LAMA3: variants seen among roughly 807,000 people sequenced by gnomAD.
LAMA3 encodes laminin subunit alpha 3.
A neutral mutation model predicts 402.0 loss-of-function variants in LAMA3; 281 were observed. That is an observed-to-expected ratio of 0.70 (90% CI 0.63 to 0.77). The LOEUF (loss-of-function observed/expected upper bound fraction) is 0.77, where lower values mean the gene tolerates loss of function less well. Among genes scored for constraint, LAMA3 ranks in the 30% least tolerant of loss-of-function variants. LAMA3 has a pLI of 0.00. For synonymous variants in LAMA3, 1,431 were observed against 1,558.4 expected, an observed-to-expected ratio of 0.92 and a Z score of 1.93; for missense variants, 3,840 against 4,215.5, an observed-to-expected ratio of 0.91 and a Z score of 2.47.
intron 1 of LAMA3, among the ~76,000 whole-genome samples, chr18:23,695,792 A>G (rs2060673213): frequency 9.4e-6 from 1 of 106,558 alleles, no homozygotes; most frequent in Admixed American, 1.1e-4. Context: ...GCAAGACTCC[A>G]TCTCAAAAAA....
chr18:23,714,901 A>T (rs1485157820), intron 2 of LAMA3, among the ~76,000 whole-genome samples: 2 of 152,224 alleles, frequency 1.3e-5, no homozygotes, highest in African/African-American at 4.8e-5. Flanking sequence ...TAGGAAGCTC[A>T]TATAAGTGGA....
rs542082850 is a variant in LAMA3, at chr18:23,869,900, C to G, written c.4768-1531C>G. On this transcript the variant is annotated intron_variant, in intron 37 of 74. Coordinates refer to ENST00000313654, the MANE Select transcript of LAMA3 (RefSeq NM_198129.4). The stretch of plus-strand genomic sequence containing the variant: ...TGGCTAACACCATGAAACCCTGTCT[C>G]TACTAAAAATACAAAAAATTAGCCA... 8.5e-5 allele frequency among the ~76,000 whole-genome samples: 13 copies of G among 152,150 alleles called. 1 individual carries two copies. Among genetic ancestry groups the G allele is most frequent in the South Asian group, 4.1e-4 (2 of 4,820 alleles).
At chr18:23,936,109 G>A (rs2145433926) in intron 67 of LAMA3, among the ~76,000 whole-genome samples, 1 of 152,122 alleles carries the variant, frequency 6.6e-6, no homozygotes, top group South Asian at 2.1e-4. Flanking sequence ...AGGAAATTGA[G>A]TGTCTAAGAG....
Position 23,716,888 on chromosome 18 carries a change from C to T in LAMA3, c.447+2816C>T, listed in dbSNP as rs576479497. Among the ~76,000 whole-genome samples, 7 of 152,336 alleles carry T rather than the reference C, an allele frequency of 4.6e-5. 1 individual carries two copies. Among genetic ancestry groups the T allele is most frequent in the South Asian group, 4.1e-4 (2 of 4,822 alleles). On this transcript the variant is annotated intron_variant, in intron 2 of 74. Coordinates refer to ENST00000313654, the MANE Select transcript of LAMA3 (RefSeq NM_198129.4). ...TCATTTATAAAATGAGATAATTGTG[C>T]ATCCCTCATAAGATTATTATGAGTT...
intron 12 of LAMA3, among the ~76,000 whole-genome samples, chr18:23,800,516 AT>A (rs1298350141): frequency 6.6e-6 from 1 of 152,186 alleles, no homozygotes; most frequent in Non-Finnish European, 1.5e-5. Flanking sequence ...CACCTCGAAC[AT>A]TCATTTCTTT....
chr18:23,937,028 GC>G (rs140929062), intron 67 of LAMA3, among the ~76,000 whole-genome samples: 3,781 of 152,234 alleles, frequency 0.025, 153 homozygotes, highest in African/African-American at 0.087. Context: ...AAGTTCTAGA[GC>G]CAAGGAGTCA....
chr18:23,954,691 C>T lies in LAMA3; in HGVS notation c.*43C>T. 1 of 1,603,004 alleles carries T rather than the reference C, an allele frequency of 6.2e-7. No individual in the cohort carries two copies. Among genetic ancestry groups the T allele is most frequent in the Non-Finnish European group, 8.5e-7 (1 of 1,169,984 alleles). On this transcript the variant is annotated 3_prime_UTR_variant, in exon 75 of 75. Coordinates refer to ENST00000313654, the MANE Select transcript of LAMA3 (RefSeq NM_198129.4). ...GCAAGGAAATTCACCTTCAAAAGCACTGATTACCCAATGCACCTCCCTCCC... is the reference window on the plus strand; with the variant it reads ...GCAAGGAAATTCACCTTCAAAAGCATTGATTACCCAATGCACCTCCCTCCC...
chr18:23,846,652 C>G, intron 31 of LAMA3, 144 bp downstream of exon 31: 1 of 839,198 alleles, frequency 1.2e-6, no homozygotes, highest in Non-Finnish European at 1.9e-6. Context: ...GGAGACTGGG[C>G]TGGAGCCTGA....
Position 23,932,171 on chromosome 18 carries a change from T to C in LAMA3, c.8588T>C (p.Leu2863Pro). ...VISDNSGLRLLIDDQLLRNSK... is the reference protein window; with the variant it reads ...VISDNSGLRLPIDDQLLRNSK... Reference sequence around the variant, plus strand: ...TTCTTCCCTTTCAGACTACGGCTTCTCATCGATGACCAGCTTCTGAGAAAT... The same window carrying C: ...TTCTTCCCTTTCAGACTACGGCTTCCCATCGATGACCAGCTTCTGAGAAAT... The change falls in exon 66 of 75, where the codon CTC becomes CCC. Residue 2863 changes from leucine (L) to proline (P), a missense_variant. Around this residue, in one of 3 missense-constraint regions of LAMA3, gnomAD observed 840 missense variants for 981.9 expected, o/e 0.86. Coordinates refer to ENST00000313654, the MANE Select transcript of LAMA3 (RefSeq NM_198129.4). The C allele has an allele frequency of 6.2e-7, 1 of 1,614,054 alleles. No homozygotes were observed. The highest frequency in any genetic ancestry group is 8.5e-7 in the Non-Finnish European group (1 of 1,179,896).
chr18:23,899,233 G>A, intron 46 of LAMA3, 55 bp from the exon 47 acceptor site: 1 of 1,375,800 alleles, frequency 7.3e-7, no homozygotes, highest in Non-Finnish European at 1.0e-6. Flanking sequence ...TTTTTTTTAA[G>A]TAGCCTACTG....
intron 37 of LAMA3, among the ~76,000 whole-genome samples, chr18:23,870,174 G>A (rs1432939174): frequency 2.0e-5 from 3 of 152,034 alleles, no homozygotes; most frequent in East Asian, 1.9e-4. Flanking sequence ...GTAGTGGCAC[G>A]TGCCTATAAT....
At chr18:23,742,949 G>T (rs1042127092) in intron 2 of LAMA3, among the ~76,000 whole-genome samples, 1 of 152,080 alleles carries the variant, frequency 6.6e-6, no homozygotes, top group Non-Finnish European at 1.5e-5. Flanking sequence ...AGCTTATTTT[G>T]TATGTGACTT....
intron 32 of LAMA3, 134 bp downstream of exon 32, chr18:23,847,802 C>A: frequency 1.2e-6 from 1 of 861,072 alleles, no homozygotes. Context: ...ATGAGCTTCC[C>A]AGACAGGATG....
intron 18 of LAMA3, 46 bp downstream of exon 18, chr18:23,816,533 G>T: frequency 6.8e-7 from 1 of 1,476,454 alleles, no homozygotes; most frequent in Non-Finnish European, 9.4e-7. Flanking sequence ...TGTGAAAGAT[G>T]GTCTTAGACA....
chr18:23,914,968 A>C, intron 58 of LAMA3, 108 bp downstream of exon 58: 2 of 923,980 alleles, frequency 2.2e-6, no homozygotes, highest in Non-Finnish European at 1.7e-6. Flanking sequence ...ATTTAACCGC[A>C]CATTCTTACA....
intron 32 of LAMA3, among the ~76,000 whole-genome samples, chr18:23,852,900 C>T (rs112510134): frequency 6.6e-6 from 1 of 152,160 alleles, no homozygotes; most frequent in African/African-American, 2.4e-5. Flanking sequence ...TCCTCTCCTA[C>T]TACCCCCAAA....
chr18:23,704,261 T>C (rs528377082), intron 1 of LAMA3, among the ~76,000 whole-genome samples: 16 of 152,314 alleles, frequency 1.1e-4, no homozygotes, highest in Middle Eastern at 3.4e-3. Context: ...CAGGTGTATA[T>C]AGAGTCATAT....
chr18:23,854,933 C>G (rs2064035477), intron 32 of LAMA3, among the ~76,000 whole-genome samples: 1 of 151,904 alleles, frequency 6.6e-6, no homozygotes, highest in South Asian at 2.1e-4. Context: ...TGCAGTGAGC[C>G]GAGATCGCGC....
At chr18:23,705,906 T>C (rs1222564618) in intron 1 of LAMA3, among the ~76,000 whole-genome samples, 1 of 152,202 alleles carries the variant, frequency 6.6e-6, no homozygotes, top group African/African-American at 2.4e-5. Context: ...TGTCTAAATG[T>C]ATGGTCTGCC....
Sources: allele counts gnomAD v4.1 joint callset (sites outside exome capture counted in the v4.1 genomes callset), GRCh38; gene constraint gnomAD v4.1.1; regional missense constraint gnomAD v4.1.1; transcripts MANE v1.5; gene names NCBI Gene and HGNC (gene_info 2026-07-23, HGNC 2026-07-21).